NOL4: variants seen among roughly 807,000 people sequenced by gnomAD.
NOL4 encodes cancer/testis antigen 125.
Under a neutral mutation model 75.9 loss-of-function variants are expected in NOL4, and 17 were observed. The observed-to-expected ratio is 0.22, with a 90% CI of 0.15 to 0.34. The LOEUF (loss-of-function observed/expected upper bound fraction) is 0.34. Among genes scored for constraint, NOL4 ranks in the 10% least tolerant of loss-of-function variants. NOL4 has a pLI of 1.00. For missense variants in NOL4, 614 were observed against 793.5 expected, an observed-to-expected ratio of 0.77 and a Z score of 2.72; for synonymous variants, 292 against 289.9, an observed-to-expected ratio of 1.01 and a Z score of -0.07.
rs143762336 is a variant in NOL4 at position 33,898,055 on chromosome 18, G to A, written c.1543-14631C>T. 4.7e-3 allele frequency among the ~76,000 whole-genome samples: 710 copies of A among 152,050 alleles called. 1 individual carries two copies. The highest frequency in any genetic ancestry group is 7.4e-3 in the Non-Finnish European group (503 of 67,990). On this transcript the variant is annotated intron_variant, in intron 9 of 10. Coordinates refer to ENST00000261592, the MANE Select transcript of NOL4 (RefSeq NM_003787.5). ...CCTGAATAGATGGGATCACAGGTGG[G>A]CATCACCATACCCAGACAATATATA... is the stretch of plus-strand genomic sequence containing the variant.
At chr18:34,220,977 G>A (rs527551896) in intron 1 of NOL4, 2 of 151,836 alleles carry the variant, frequency 1.3e-5, no homozygotes, top group South Asian at 2.1e-4. Flanking sequence ...ATATGAATGC[G>A]TGAATGCTAG....
At chr18:34,138,003 T>C (rs939819706) in intron 1 of NOL4, among the ~76,000 whole-genome samples, 2 of 152,156 alleles carry the variant, frequency 1.3e-5, no homozygotes, top group African/African-American at 4.8e-5. Context: ...TAAGTACTGA[T>C]TCATCCATGG....
chr18:34,210,964 C>T (rs754357732), intron 1 of NOL4, among the ~76,000 whole-genome samples: 4 of 151,982 alleles, frequency 2.6e-5, no homozygotes, highest in Admixed American at 6.6e-5. Context: ...AAAGCATGCC[C>T]CCTCTGCTAT....
chr18:34,052,783 A>G (rs1568278217), intron 5 of NOL4, among the ~76,000 whole-genome samples: 1 of 152,082 alleles, frequency 6.6e-6, no homozygotes. Context: ...TCTAGGAGAG[A>G]ACTTTTTCCT....
At chr18:33,898,161 C>T (rs917652464) in intron 9 of NOL4, among the ~76,000 whole-genome samples, 4 of 152,164 alleles carry the variant, frequency 2.6e-5, no homozygotes, top group Admixed American at 1.3e-4. Flanking sequence ...AATCCTTCTG[C>T]CTTGGCCTCC....
In NOL4 at chr18:33,943,190, AAG is replaced by A; in HGVS notation, c.1429-14_1429-13del. 1 of 1,581,444 alleles carries A rather than the reference AAG, an allele frequency of 6.3e-7. No homozygotes were observed. The highest frequency in any genetic ancestry group is 8.6e-7 in the Non-Finnish European group (1 of 1,156,300). On this transcript the variant is annotated splice_polypyrimidine_tract_variant and intron_variant, in intron 8 of 10. Transcript: ENST00000261592. ...GGAATAGGTCGAGACTAAAAAAAAAAAGAGAAAAGTATGAAAAAAATTATTAA... is the reference window on the plus strand; with the variant it reads ...GGAATAGGTCGAGACTAAAAAAAAAAAGAAAAGTATGAAAAAAATTATTAA...
At chr18:34,116,382 GA>G (rs978737024) in intron 2 of NOL4, among the ~76,000 whole-genome samples, 159 of 152,154 alleles carry the variant, frequency 1.0e-3, no homozygotes, top group African/African-American at 3.7e-3. Context: ...CTGCTTTTCG[GA>G]AGAAAAAAAT....
At chr18:33,889,091 T>C (rs2064942786) in intron 9 of NOL4, among the ~76,000 whole-genome samples, 1 of 151,966 alleles carries the variant, frequency 6.6e-6, no homozygotes, top group South Asian at 2.1e-4. Context: ...GCTGGTTTTT[T>C]GAAAAGATCA....
chr18:33,864,164 G>T (rs556399906), intron 10 of NOL4, among the ~76,000 whole-genome samples: 34 of 152,168 alleles, frequency 2.2e-4, no homozygotes, highest in African/African-American at 7.7e-4. Flanking sequence ...TATGATGGGA[G>T]TTACTGCTGC....
chr18:33,907,878 C>A (rs2066161498), intron 9 of NOL4, among the ~76,000 whole-genome samples: 1 of 152,092 alleles, frequency 6.6e-6, no homozygotes, highest in African/African-American at 2.4e-5. Flanking sequence ...TTGGTCAAGG[C>A]TAAAATAAAC....
At chr18:34,137,016 T>G (rs986785100) in intron 1 of NOL4, among the ~76,000 whole-genome samples, 1 of 152,130 alleles carries the variant, frequency 6.6e-6, no homozygotes, top group Non-Finnish European at 1.5e-5. Context: ...TTCCATTTAT[T>G]CAGTTCATCT....
chr18:34,168,160 C>T (rs559705056), intron 1 of NOL4, among the ~76,000 whole-genome samples: 87 of 151,850 alleles, frequency 5.7e-4, no homozygotes, highest in Non-Finnish European at 1.0e-3. Flanking sequence ...TTAAAATCTA[C>T]ACCTAGAACA....
At chr18:33,903,898 T>C (rs754030033) in intron 9 of NOL4, among the ~76,000 whole-genome samples, 54 of 152,162 alleles carry the variant, frequency 3.5e-4, no homozygotes, top group Non-Finnish European at 6.3e-4. Flanking sequence ...ACCCTCCCTC[T>C]ATGCCCAGGG....
At chr18:34,067,518 T>G (rs1321307095) in intron 5 of NOL4, among the ~76,000 whole-genome samples, 1 of 152,178 alleles carries the variant, frequency 6.6e-6, no homozygotes, top group African/African-American at 2.4e-5. Context: ...GCTACTTTAA[T>G]AAACCAGGCA....
intron 9 of NOL4, 111 bp downstream of exon 9, chr18:33,942,954 C>G (rs1025437623): frequency 1.4e-6 from 1 of 701,088 alleles, no homozygotes; most frequent in Non-Finnish European, 2.4e-6. Flanking sequence ...AAAACTATAT[C>G]TCTGTGTACT....
At chr18:33,882,975 A>G (rs1470111014) in intron 10 of NOL4, among the ~76,000 whole-genome samples, 1 of 152,042 alleles carries the variant, frequency 6.6e-6, no homozygotes, top group Admixed American at 6.6e-5. Context: ...CAAACACCGC[A>G]TATTCTCATT....
intron 10 of NOL4, among the ~76,000 whole-genome samples, chr18:33,854,068 C>G (rs2062735740): frequency 6.6e-6 from 1 of 152,096 alleles, no homozygotes; most frequent in South Asian, 2.1e-4. Flanking sequence ...AAGCACATAA[C>G]TAAACATGTG....
chr18:33,891,266 T>C (rs185339801), intron 9 of NOL4, among the ~76,000 whole-genome samples: 39 of 152,176 alleles, frequency 2.6e-4, no homozygotes, highest in African/African-American at 8.4e-4. Flanking sequence ...GTAAGGCTTC[T>C]GGGGGAAATG....
At chr18:33,991,682 C>T (rs1465806918) in intron 6 of NOL4, among the ~76,000 whole-genome samples, 1 of 151,846 alleles carries the variant, frequency 6.6e-6, no homozygotes, top group African/African-American at 2.4e-5. Flanking sequence ...AGCAGCTAGC[C>T]ACATGTACCA....
Sources: gnomAD v4.1 joint callset for allele counts (sites outside exome capture counted in the v4.1 genomes callset) on GRCh38, gnomAD v4.1.1 for gene constraint, MANE v1.5 for transcripts, NCBI Gene and HGNC (gene_info 2026-07-23, HGNC 2026-07-21) for gene names.